The following RNF217 variants were observed in gnomAD, a reference collection of about 807,000 sequenced individuals.
The protein encoded by RNF217 is E3 ubiquitin-protein ligase RNF217.
RNF217 carries 31 observed loss-of-function variants against 57.8 expected under a neutral mutation model. The ratio of observed to expected loss-of-function variants is 0.54; its 90% CI spans 0.40 to 0.72. The LOEUF is 0.72. RNF217 is among the 30% of genes least tolerant of loss of function. The pLI is 0.00. For synonymous variants in RNF217, 313 were observed against 294.0 expected (o/e 1.06, Z -0.66); for missense variants, 696 against 708.3 (o/e 0.98, Z 0.20).
chr6:125,086,199 G>A lies in RNF217; in HGVS notation c.*3262G>A, dbSNP rs1029139149. 6.6e-6 allele frequency: 1 copy of A among 151,938 alleles called. No individual in the cohort carries two copies. Among genetic ancestry groups the A allele is most frequent in the Non-Finnish European group, 1.5e-5 (1 of 67,894 alleles). 9.4% of individuals were successfully genotyped at this position (151,938 alleles called of 1,614,324 possible). ...TATGAGACCCTTTTTTGGATAAAAA[G>A]AAAGATTGTACAGGAGTGCATAATT... On this transcript the variant is annotated 3_prime_UTR_variant, in exon 6 of 6. Coordinates refer to ENST00000521654, the MANE Select transcript of RNF217 (RefSeq NM_001286398.3).
In RNF217 at chr6:125,089,887, G is replaced by C. The variant is rs1247703308; in HGVS notation, c.*6950G>C. On this transcript the variant is annotated 3_prime_UTR_variant, in exon 6 of 6. Coordinates refer to ENST00000521654, the MANE Select transcript of RNF217 (RefSeq NM_001286398.3). ...TCCCCATATATTTGTATTGTTTCAA[G>C]CCACTAGTATCTAAATTTTTGATAT... The C allele has an allele frequency of 6.6e-6, 1 of 152,030 alleles. No individual in the cohort carries two copies. Among genetic ancestry groups the C allele is most frequent in the Non-Finnish European group, 1.5e-5 (1 of 67,996 alleles). 9.4% of individuals were successfully genotyped at this position (152,030 alleles called of 1,614,324 possible).
intron 3 of RNF217, among the ~76,000 whole-genome samples, chr6:125,064,433 T>C (rs1787860888): frequency 6.6e-6 from 1 of 152,204 alleles, no homozygotes; most frequent in Admixed American, 6.5e-5. Context: ...ATGTTAGTAC[T>C]TGCTTACGGT....
At chr6:125,076,628 C>T in intron 3 of RNF217, 29 bp from the exon 4 acceptor site, 1 of 1,533,292 alleles carries the variant, frequency 6.5e-7, no homozygotes, top group Non-Finnish European at 9.0e-7. Flanking sequence ...CTAACTCTTT[C>T]CTTCTCCTTC....
chr6:124,995,955 T>C (rs957541161), intron 1 of RNF217, among the ~76,000 whole-genome samples: 11 of 152,090 alleles, frequency 7.2e-5, no homozygotes, highest in African/African-American at 2.2e-4. Flanking sequence ...AGAAAAACAT[T>C]TGGAATATTT....
intron 3 of RNF217, among the ~76,000 whole-genome samples, chr6:125,059,482 T>C (rs935157414): frequency 6.6e-6 from 1 of 152,192 alleles, no homozygotes; most frequent in Non-Finnish European, 1.5e-5. Flanking sequence ...CTTAGAGTGC[T>C]GTTAAGTTAT....
At chr6:125,033,303 C>T (rs1285351807) in intron 1 of RNF217, among the ~76,000 whole-genome samples, 1 of 145,028 alleles carries the variant, frequency 6.9e-6, no homozygotes, top group Non-Finnish European at 1.5e-5. Flanking sequence ...ATTAACTCGT[C>T]ATTTAGCATT....
At chr6:124,988,207 A>T (rs903709002) in intron 1 of RNF217, among the ~76,000 whole-genome samples, 1 of 152,048 alleles carries the variant, frequency 6.6e-6, no homozygotes, top group Non-Finnish European at 1.5e-5. Context: ...TCATCCCAAA[A>T]CTATCACCCC....
At chr6:125,045,760 A>G (rs1033181919) in intron 2 of RNF217, among the ~76,000 whole-genome samples, 1 of 152,062 alleles carries the variant, frequency 6.6e-6, no homozygotes, top group African/African-American at 2.4e-5. Context: ...CTTTTTCTTT[A>G]TTATTATGGA....
intron 4 of RNF217, 47 bp downstream of exon 4, chr6:125,076,905 G>C (rs1245348170): frequency 2.6e-6 from 4 of 1,522,332 alleles, no homozygotes; most frequent in South Asian, 1.1e-5. Context: ...GAATTAAGTA[G>C]TGAAAATAGA....
Position 124,962,663 on chromosome 6 carries a change from C to T in RNF217, c.119C>T (p.Ala40Val). The T allele has an allele frequency of 7.5e-7, 1 of 1,335,074 alleles. No individual in the cohort carries two copies. 82.7% of individuals were successfully genotyped at this position (1,335,074 alleles called of 1,614,324 possible). ...PPRPQGDSARAPPLRAASAEP... is the reference protein window; with the variant it reads ...PPRPQGDSARVPPLRAASAEP... ...AGGCCTCAGGGGGACAGCGCCCGGG[C>T]GCCCCCGCTGCGCGCCGCCTCCGCG... The change falls in exon 1 of 6, where the codon GCG becomes GTG. Residue 40 changes from alanine to valine, a missense_variant. Ala to Val is a moderately conservative substitution (Grantham distance 64). Around this residue, in one of 2 missense-constraint regions of RNF217, gnomAD observed 465 missense variants for 386.8 expected, o/e 1.20. Transcript: ENST00000521654. This position sits in a 1 kb window ranked among gnomAD's most constrained non-coding sequence, Gnocchi z 4.6.
intron 1 of RNF217, among the ~76,000 whole-genome samples, chr6:124,999,507 T>C (rs1163527363): frequency 6.6e-6 from 1 of 152,158 alleles, no homozygotes; most frequent in Non-Finnish European, 1.5e-5. Context: ...TTGTTATGTT[T>C]AGTGTGATCT....
intron 1 of RNF217, among the ~76,000 whole-genome samples, chr6:125,015,662 CA>C (rs1785574248): frequency 6.6e-6 from 1 of 151,770 alleles, no homozygotes; most frequent in African/African-American, 2.4e-5. Flanking sequence ...TTGCTACATC[CA>C]GTATATTTTC....
chr6:125,044,249 G>T (rs1289975135), intron 1 of RNF217, among the ~76,000 whole-genome samples: 1 of 151,914 alleles, frequency 6.6e-6, no homozygotes, highest in East Asian at 1.9e-4. Context: ...GGAGTTTTTA[G>T]TGCCTCCCTG....
chr6:125,034,372 A>T (rs1472365984), intron 1 of RNF217, among the ~76,000 whole-genome samples: 1 of 152,164 alleles, frequency 6.6e-6, no homozygotes, highest in African/African-American at 2.4e-5. Flanking sequence ...TAATTTTTGT[A>T]TAAGGTGTAA....
At chr6:125,027,783 G>A (rs892936212) in intron 1 of RNF217, among the ~76,000 whole-genome samples, 4 of 152,138 alleles carry the variant, frequency 2.6e-5, no homozygotes, top group Admixed American at 6.5e-5. Flanking sequence ...AGTGTACAAA[G>A]GTTCCCTTTT....
chr6:124,984,914 A>G (rs1287787997), intron 1 of RNF217, among the ~76,000 whole-genome samples: 1 of 152,222 alleles, frequency 6.6e-6, no homozygotes, highest in African/African-American at 2.4e-5. Context: ...GTTTTATAAT[A>G]TATGTAAGAC....
chr6:125,018,082 A>G (rs1785681946), intron 1 of RNF217, among the ~76,000 whole-genome samples: 1 of 152,190 alleles, frequency 6.6e-6, no homozygotes, highest in African/African-American at 2.4e-5. Context: ...GTAGGGTAAC[A>G]TGGAATTGTT....
intron 1 of RNF217, among the ~76,000 whole-genome samples, chr6:124,974,529 G>C (rs1043331774): frequency 6.6e-6 from 1 of 151,872 alleles, no homozygotes; most frequent in African/African-American, 2.4e-5. Flanking sequence ...AAGGTGTCAG[G>C]GTCAGCTTCC....
At chr6:125,030,024 A>G (rs528630528) in intron 1 of RNF217, among the ~76,000 whole-genome samples, 2 of 152,306 alleles carry the variant, frequency 1.3e-5, no homozygotes, top group South Asian at 2.1e-4. Context: ...CCTCAGAATC[A>G]TGGCGGGAGG....
Sources: allele counts gnomAD v4.1 joint callset (sites outside exome capture counted in the v4.1 genomes callset), GRCh38; gene constraint gnomAD v4.1.1; regional missense constraint gnomAD v4.1.1; non-coding constraint Gnocchi (gnomAD v3.1); transcripts MANE v1.5; gene names NCBI Gene and HGNC (gene_info 2026-07-23, HGNC 2026-07-21).